DENND6B: variants seen among roughly 807,000 people sequenced by gnomAD.
The protein encoded by DENND6B is DENN domain containing 6B.
Under a neutral mutation model 85.1 loss-of-function variants are expected in DENND6B, and 73 were observed. That is an observed-to-expected ratio of 0.86 (90% CI 0.71 to 1.04). DENND6B has a LOEUF of 1.04. Ranked by LOEUF, DENND6B falls within the 50% of genes least tolerant of loss-of-function variation. The pLI is 0.00. For synonymous variants in DENND6B, 357 were observed against 329.3 expected, an observed-to-expected ratio of 1.08 and a Z score of -0.91; for missense variants, 715 against 785.8, an observed-to-expected ratio of 0.91 and a Z score of 1.08.
At chr22:50,316,141 G>A (rs377641234) in intron 7 of DENND6B, 33 bp downstream of exon 7, 7 of 1,612,468 alleles carry the variant, frequency 4.3e-6, no homozygotes, top group Non-Finnish European at 5.9e-6. Context: ...CCACACACCT[G>A]CAGAGCCTAC....
rs1457233755 is a variant in DENND6B at position 50,313,068 on chromosome 22, A to G, written c.1388T>C (p.Leu463Pro). The change falls in exon 17 of 20, where the codon CTG becomes CCG. Residue 463 changes from leucine to proline, a missense_variant. Leu to Pro is a moderately conservative substitution (Grantham distance 98, BLOSUM62 -3). Transcript: ENST00000413817. ...QIQPFSQDDF[L>P]RSLEHAGPQL... ...GGGCCCAGCATGCTCCAGGCTACGC[A>G]GGAAGTCATCCTGGCTGAAGGGCTG... is the stretch of plus-strand genomic sequence containing the variant. 4 of 1,559,940 alleles carry G rather than the reference A, an allele frequency of 2.6e-6. No homozygotes were observed. In the Admixed American group the frequency reaches 7.7e-5, roughly 30 times the overall value.
At chr22:50,313,529 G>A (rs764104113) in intron 15 of DENND6B, 30 bp from the exon 16 acceptor site, 38 of 1,536,984 alleles carry the variant, frequency 2.5e-5, no homozygotes, top group Middle Eastern at 2.1e-4. Flanking sequence ...GAGTGAGCCC[G>A]GGGACCCATG....
intron 1 of DENND6B, among the ~76,000 whole-genome samples, chr22:50,320,569 G>A (rs925351923): frequency 8.5e-5 from 13 of 152,170 alleles, no homozygotes; most frequent in Non-Finnish European, 1.9e-4. Flanking sequence ...AGGTCTCTGA[G>A]GTTTACTAGA....
At position 50,316,204 on chromosome 22, in the gene DENND6B, C is replaced by T. The variant is rs2147774682; in HGVS notation, c.609G>A (p.Leu203=). Residue 203 remains leucine, a synonymous_variant, in exon 7 of 20, where the codon CTG becomes CTA. Transcript: ENST00000413817. ...CAACAACGCCCATGACAGGTAGGTT[C>T]AGGGTCTGCCCAGGTGCAGGCGCCG... ...QWPAPAPGQT[L]NLPVMGVVVQ... is the part of the protein sequence containing the mutation. 2.5e-6 allele frequency: 4 copies of T among 1,611,946 alleles called. No homozygotes were observed. Among genetic ancestry groups the T allele is most frequent in the East Asian group, 2.2e-5 (1 of 44,872 alleles).
chr22:50,326,249 G>A (rs1428382212), intron 1 of DENND6B, among the ~76,000 whole-genome samples: 1 of 152,284 alleles, frequency 6.6e-6, no homozygotes, highest in African/African-American at 2.4e-5. Flanking sequence ...GACGCAGGTG[G>A]AGGGACGGGG....
intron 5 of DENND6B, chr22:50,317,043 G>C (rs1344559233): frequency 4.9e-6 from 1 of 205,334 alleles, no homozygotes; most frequent in Non-Finnish European, 9.0e-6. Flanking sequence ...GCGAGGACAG[G>C]GCGGGGGGCC....
At chr22:50,318,764 G>A (rs934394951) in intron 3 of DENND6B, 83 bp downstream of exon 3, 3 of 1,576,348 alleles carry the variant, frequency 1.9e-6, no homozygotes, top group African/African-American at 2.7e-5. Context: ...GGGCAGCCGA[G>A]GCAGCCATGA....
chr22:50,317,439 G>A, intron 4 of DENND6B, 66 bp from the exon 5 acceptor site: 2 of 1,557,278 alleles, frequency 1.3e-6, no homozygotes, highest in East Asian at 4.5e-5. Flanking sequence ...CCAGGGCTGG[G>A]AGTGGCAAGG....
At chr22:50,317,506 G>A in intron 4 of DENND6B, 133 bp from the exon 5 acceptor site, 1 of 1,013,280 alleles carries the variant, frequency 9.9e-7, no homozygotes, top group South Asian at 1.4e-5. Flanking sequence ...TCCTGGAGCT[G>A]CTGTCCGTGC....
In DENND6B at chr22:50,312,267, G is replaced by A; in HGVS notation, c.1636-6C>T. ...TGGTGGCCCTGAGCCCGCACCTGGA[G>A]GGGCAGCCATGGTCAGGGCAGGCGC... On this transcript the variant is annotated splice_polypyrimidine_tract_variant and splice_region_variant and intron_variant, in intron 19 of 19. Coordinates refer to ENST00000413817, the MANE Select transcript of DENND6B (RefSeq NM_001001794.4). The A allele has an allele frequency of 6.2e-7, 1 of 1,612,104 alleles. No individual in the cohort carries two copies. The highest frequency in any genetic ancestry group is 8.5e-7 in the Non-Finnish European group (1 of 1,179,614).
intron 16 of DENND6B, 107 bp from the exon 17 acceptor site, chr22:50,313,215 C>A: frequency 8.1e-7 from 1 of 1,230,328 alleles, no homozygotes; most frequent in Non-Finnish European, 1.1e-6. Context: ...CCCCAGCCCC[C>A]ACCCTGCCTG....
Position 50,326,792 on chromosome 22 carries a change from CCGCGCT to C in DENND6B, c.177+14_177+19del, listed in dbSNP as rs760846495. On this transcript the variant is annotated intron_variant, in intron 1 of 19. Coordinates refer to ENST00000413817, the MANE Select transcript of DENND6B (RefSeq NM_001001794.4). The stretch of plus-strand genomic sequence containing the variant: ...CGCAGCCCTGCCCACCCGCCCGCGC[CCGCGCT>C]CGCGCCCGCTCACCTCCAGCGCCTG... 3.6e-6 allele frequency: 5 copies of C among 1,372,758 alleles called. No individual in the cohort carries two copies. Among genetic ancestry groups the C allele is most frequent in the African/African-American group, 3.1e-5 (2 of 65,330 alleles). The allele number at this position is 1,372,758 out of a possible 1,614,324, so 85.0% of individuals were successfully genotyped here.
rs749223526 is a variant in DENND6B at position 50,315,736 on chromosome 22, C to T, written c.736G>A (p.Val246Ile). 25 of 1,557,100 alleles carry T rather than the reference C, an allele frequency of 1.6e-5. No individual in the cohort carries two copies. The highest frequency in any genetic ancestry group is 8.4e-5 in the South Asian group (7 of 82,992). Residue 246 changes from valine to isoleucine, a missense_variant, in exon 9 of 20, where the codon GTC becomes ATC. By Grantham distance (29) the Val-to-Ile change is conservative (BLOSUM62 3). Coordinates refer to ENST00000413817, the MANE Select transcript of DENND6B (RefSeq NM_001001794.4). Reference sequence around the variant, plus strand: ...CACCTGAACAGGTCCAGCTCGTGGACGCTAGCAAGAACCACTGGGGCTGGC... The same window carrying T: ...CACCTGAACAGGTCCAGCTCGTGGATGCTAGCAAGAACCACTGGGGCTGGC... ...LLPAPVVLAS[V>I]HELDLFRCFR...
In DENND6B at chr22:50,314,923, TG is replaced by T; in HGVS notation, c.759-3del. On this transcript the variant is annotated splice_polypyrimidine_tract_variant and splice_region_variant and intron_variant, in intron 9 of 19. Coordinates refer to ENST00000413817, the MANE Select transcript of DENND6B (RefSeq NM_001001794.4). ...TGAGTCAGCACAGGCCGGAAGCACC[TG>T]GGGCCGGGCAGGAAGGTCGGGGAGG... The T allele has an allele frequency of 6.2e-7, 1 of 1,608,282 alleles. No individual in the cohort carries two copies. Among genetic ancestry groups the T allele is most frequent in the Non-Finnish European group, 8.5e-7 (1 of 1,176,678 alleles).
intron 6 of DENND6B, 50 bp downstream of exon 6, chr22:50,316,320 C>G (rs1358677442): frequency 4.5e-6 from 7 of 1,562,226 alleles, no homozygotes; most frequent in Admixed American, 3.9e-5. Flanking sequence ...CCACCAGGGG[C>G]CACAGCTGGG....
intron 1 of DENND6B, among the ~76,000 whole-genome samples, chr22:50,323,020 CTT>C (rs386395718): frequency 0.025 from 968 of 38,890 alleles, 4 homozygotes; most frequent in Admixed American, 0.032. Context: ...CCGGCTAATG[CTT>C]TTTTTTTTTT....
chr22:50,312,939 A>G (rs1328958304), intron 17 of DENND6B, 60 bp downstream of exon 17: 7 of 1,453,720 alleles, frequency 4.8e-6, no homozygotes, highest in South Asian at 2.5e-5. Flanking sequence ...GCGGGGGGCC[A>G]TGGGGCTGAC....
At chr22:50,319,801 C>A (rs1048164545) in intron 1 of DENND6B, among the ~76,000 whole-genome samples, 1 of 152,260 alleles carries the variant, frequency 6.6e-6, no homozygotes, top group Non-Finnish European at 1.5e-5. Flanking sequence ...TTCACCCACC[C>A]TCCCCCTGCC....
At chr22:50,320,620 G>A (rs1332725304) in intron 1 of DENND6B, among the ~76,000 whole-genome samples, 1 of 152,222 alleles carries the variant, frequency 6.6e-6, no homozygotes, top group East Asian at 1.9e-4. Context: ...CCAAGGAGTG[G>A]TCAGGAGGAG....
Sources: allele counts gnomAD v4.1 joint callset (sites outside exome capture counted in the v4.1 genomes callset), GRCh38; gene constraint gnomAD v4.1.1; transcripts MANE v1.5; gene names NCBI Gene and HGNC (gene_info 2026-07-23, HGNC 2026-07-21).